Variants in CA10 observed in about 807,000 individuals in gnomAD.
CA10 encodes the protein carbonic anhydrase 10 (inactive).
In CA10, 14 loss-of-function variants were observed where a neutral mutation model predicts 44.2. The ratio of observed to expected loss-of-function variants is 0.32; its 90% CI spans 0.21 to 0.50. The LOEUF is 0.50. Ranked by LOEUF, CA10 falls within the 20% of genes least tolerant of loss-of-function variation. The pLI, the probability that CA10 is intolerant of heterozygous loss-of-function variation, is 0.99. For synonymous variants in CA10, 159 were observed against 141.6 expected (o/e 1.12, Z -0.87); for missense variants, 350 against 409.7 (o/e 0.85, Z 1.26).
intron 2 of CA10, among the ~76,000 whole-genome samples, chr17:52,004,602 C>G (rs1985536556): frequency 1.3e-5 from 2 of 151,918 alleles, no homozygotes. Flanking sequence ...TGATGTAACA[C>G]TGGAGATCTG....
intron 3 of CA10, among the ~76,000 whole-genome samples, chr17:51,868,831 A>T (rs62063227): frequency 0.028 from 4,203 of 151,924 alleles, 93 homozygotes; most frequent in African/African-American, 0.06. Flanking sequence ...AACACTCATG[A>T]TCATTCTCAA....
intron 1 of CA10, among the ~76,000 whole-genome samples, chr17:52,088,397 G>T (rs752411452): frequency 6.6e-6 from 1 of 152,130 alleles, no homozygotes; most frequent in Non-Finnish European, 1.5e-5. Flanking sequence ...ATTCTGTCTT[G>T]TTGGCTTATA....
intron 3 of CA10, among the ~76,000 whole-genome samples, chr17:51,874,445 T>C: frequency 6.6e-6 from 1 of 151,984 alleles, no homozygotes; most frequent in Non-Finnish European, 1.5e-5. Flanking sequence ...TCTGCTCTTT[T>C]ATTCAAGTCA....
intron 4 of CA10, among the ~76,000 whole-genome samples, chr17:51,694,190 G>A (rs1287276680): frequency 6.6e-6 from 1 of 150,678 alleles, no homozygotes; most frequent in Non-Finnish European, 1.5e-5. Flanking sequence ...GGCAACAAGA[G>A]CGAAACTCCG....
In CA10 at chr17:52,098,485, T is replaced by A. The variant is rs80047324; in HGVS notation, c.62-26092A>T. ...CACCAACATAATTCTGACCCAACAA[T>A]AACGACCCAGCCCAGTGTCAAATCA... On this transcript the variant is annotated intron_variant, in intron 1 of 8. Transcript: ENST00000451037. Among the ~76,000 whole-genome samples, 695 of 152,218 alleles carry A rather than the reference T, an allele frequency of 4.6e-3. 2 individuals carry two copies. The highest frequency in any genetic ancestry group is 0.016 in the African/African-American group (650 of 41,536).
At chr17:51,713,994 G>A (rs964348790) in intron 4 of CA10, among the ~76,000 whole-genome samples, 1 of 152,090 alleles carries the variant, frequency 6.6e-6, no homozygotes, top group Non-Finnish European at 1.5e-5. Flanking sequence ...TAACTAGAGT[G>A]GCTTTTCCGT....
At chr17:52,060,417 A>AG (rs1250812247) in intron 2 of CA10, among the ~76,000 whole-genome samples, 1 of 152,164 alleles carries the variant, frequency 6.6e-6, no homozygotes, top group African/African-American at 2.4e-5. Context: ...AAAAATCTGG[A>AG]GTTTAGTTTA....
intron 7 of CA10, among the ~76,000 whole-genome samples, chr17:51,635,001 C>A (rs572912536): frequency 1.3e-5 from 2 of 152,238 alleles, no homozygotes; most frequent in East Asian, 3.9e-4. Flanking sequence ...TAAACCCAGG[C>A]ATATGGGTTG....
At chr17:51,780,400 G>A (rs149320063) in intron 3 of CA10, among the ~76,000 whole-genome samples, 24 of 152,304 alleles carry the variant, frequency 1.6e-4, no homozygotes, top group East Asian at 7.7e-4. Flanking sequence ...CACATTTTCC[G>A]AGTCTTGGCT....
intron 1 of CA10, among the ~76,000 whole-genome samples, chr17:52,117,254 A>C (rs1988917713): frequency 6.6e-6 from 1 of 152,208 alleles, no homozygotes. Flanking sequence ...TCCTTGGGAA[A>C]GACAGAAAAG....
chr17:51,725,917 C>A (rs373275484), intron 4 of CA10, among the ~76,000 whole-genome samples: 1 of 152,016 alleles, frequency 6.6e-6, no homozygotes, highest in African/African-American at 2.4e-5. Context: ...CCTCTAGGTA[C>A]AAAAAAATGT....
intron 3 of CA10, among the ~76,000 whole-genome samples, chr17:51,849,254 T>TAC (rs1456678630): frequency 7.3e-6 from 1 of 137,744 alleles, no homozygotes; most frequent in Non-Finnish European, 1.6e-5. Flanking sequence ...TATATATATA[T>TAC]ATATATATAT....
At chr17:51,892,052 C>T (rs1980881427) in intron 3 of CA10, among the ~76,000 whole-genome samples, 1 of 152,098 alleles carries the variant, frequency 6.6e-6, no homozygotes, top group African/African-American at 2.4e-5. Flanking sequence ...CGCCAGAGAA[C>T]TATTATGGTT....
intron 3 of CA10, among the ~76,000 whole-genome samples, chr17:51,853,808 T>G (rs1355629389): frequency 6.6e-6 from 1 of 152,186 alleles, no homozygotes; most frequent in Non-Finnish European, 1.5e-5. Flanking sequence ...TGACTGTTCC[T>G]CCTTCACATG....
intron 4 of CA10, among the ~76,000 whole-genome samples, chr17:51,673,589 G>A (rs1337942932): frequency 6.6e-6 from 1 of 152,136 alleles, no homozygotes; most frequent in Non-Finnish European, 1.5e-5. Context: ...TGCAACTATT[G>A]CTGTCCTCTT....
At chr17:52,040,753 A>C (rs1251845505) in intron 2 of CA10, among the ~76,000 whole-genome samples, 2 of 152,074 alleles carry the variant, frequency 1.3e-5, no homozygotes, top group Non-Finnish European at 2.9e-5. Context: ...GGAGAGACCA[A>C]GGCAGCTAGA....
chr17:51,914,418 G>A (rs546215), intron 3 of CA10, among the ~76,000 whole-genome samples: 104,010 of 151,792 alleles, frequency 0.69, 35,926 homozygotes, highest in Non-Finnish European at 0.71. Context: ...TTGATGGAAC[G>A]TGTAAAAAAA....
chr17:51,959,294 G>C (rs756171434), intron 2 of CA10, among the ~76,000 whole-genome samples: 20,459 of 142,670 alleles, frequency 0.14, 1,772 homozygotes, highest in South Asian at 0.31. Context: ...GTGTGTGTGT[G>C]TGTGTGTGTG....
At chr17:52,131,123 T>G (rs139745815) in intron 1 of CA10, among the ~76,000 whole-genome samples, 1,704 of 151,786 alleles carry the variant, frequency 0.011, 19 homozygotes, top group Non-Finnish European at 0.011. Flanking sequence ...TTTTAGACTA[T>G]AAACATAAAT....
Sources: allele counts gnomAD v4.1 joint callset (sites outside exome capture counted in the v4.1 genomes callset), GRCh38; gene constraint gnomAD v4.1.1; transcripts MANE v1.5; gene names NCBI Gene and HGNC (gene_info 2026-07-23, HGNC 2026-07-21).